The following PCCA variants were observed in gnomAD, a reference collection of about 807,000 sequenced individuals.
PCCA encodes propionyl-CoA carboxylase subunit alpha.
A neutral mutation model predicts 101.3 loss-of-function variants in PCCA; 74 were observed. The observed-to-expected ratio is 0.73, with a 90% CI of 0.61 to 0.89. The LOEUF (loss-of-function observed/expected upper bound fraction) is 0.89. Ranked by LOEUF, PCCA falls within the 40% of genes least tolerant of loss-of-function variation. The pLI is 0.00. For missense variants in PCCA, 891 were observed against 907.0 expected (o/e 0.98, Z 0.23); for synonymous variants, 294 against 313.6 (o/e 0.94, Z 0.66).
In PCCA at chr13:100,102,947, A is replaced by G; in HGVS notation, c.170A>G (p.Asp57Gly). Reference sequence around the variant, plus strand: ...CGTAATCTTGGTTCAGTGGGATATGATCCTAATGAAAAAGTAAGTATTTAA... The same window carrying G: ...CGTAATCTTGGTTCAGTGGGATATGGTCCTAATGAAAAAGTAAGTATTTAA... ...VSRNLGSVGY[D>G]PNEKTFDKIL... Residue 57 changes from aspartate to glycine, a missense_variant, in exon 2 of 24, where the codon GAT (aspartate) becomes GGT (glycine). Asp to Gly is a moderately conservative substitution (Grantham distance 94). Transcript: ENST00000376285. The G allele has an allele frequency of 6.3e-7, 1 of 1,595,842 alleles. No homozygotes were observed. The highest frequency in any genetic ancestry group is 8.6e-7 in the Non-Finnish European group (1 of 1,163,414).
At chr13:100,205,561 A>G (rs2058801499) in intron 6 of PCCA, among the ~76,000 whole-genome samples, 3 of 103,532 alleles carry the variant, frequency 2.9e-5, no homozygotes. Context: ...TTTTTTGACA[A>G]TTTTACATTT....
chr13:100,374,895 T>C (rs1216700743), intron 19 of PCCA, among the ~76,000 whole-genome samples: 2 of 152,218 alleles, frequency 1.3e-5, no homozygotes, highest in African/African-American at 4.8e-5. Context: ...TAGTTATTTC[T>C]TGTCTTCTGC....
intron 7 of PCCA, among the ~76,000 whole-genome samples, chr13:100,221,059 T>G (rs546008908): frequency 6.6e-6 from 1 of 152,330 alleles, no homozygotes; most frequent in East Asian, 1.9e-4. Flanking sequence ...GATGAAACCT[T>G]CTGAACTCAC....
chr13:100,193,989 C>G (rs1049665390), intron 6 of PCCA, among the ~76,000 whole-genome samples: 3 of 151,586 alleles, frequency 2.0e-5, no homozygotes, highest in Admixed American at 2.0e-4. Context: ...GAAAACGGCA[C>G]AAACCTGGGA....
At chr13:100,105,657 CAAA>C (rs34277733) in intron 2 of PCCA, among the ~76,000 whole-genome samples, 939 of 75,888 alleles carry the variant, frequency 0.012, 15 homozygotes, top group African/African-American at 0.032. Context: ...CTGTCTCTAC[CAAA>C]AAAAAAAAAA....
At chr13:100,264,812 C>T (rs2062824498) in intron 10 of PCCA, among the ~76,000 whole-genome samples, 1 of 152,144 alleles carries the variant, frequency 6.6e-6, no homozygotes, top group African/African-American at 2.4e-5. Context: ...ACCAGAAATA[C>T]ATGAGAGTTT....
At chr13:100,263,669 T>C (rs1176408896) in intron 10 of PCCA, among the ~76,000 whole-genome samples, 2 of 152,166 alleles carry the variant, frequency 1.3e-5, no homozygotes, top group Non-Finnish European at 2.9e-5. Context: ...ATCAGTTGGA[T>C]GTTTTACAAC....
chr13:100,093,743 C>G (rs1187571972), intron 1 of PCCA, among the ~76,000 whole-genome samples: 1 of 151,694 alleles, frequency 6.6e-6, no homozygotes, highest in African/African-American at 2.4e-5. Context: ...ATGATACCAC[C>G]CCCACCCCCG....
chr13:100,305,835 G>GT (rs1391795992), intron 14 of PCCA: 2 of 448,174 alleles, frequency 4.5e-6, no homozygotes, highest in Non-Finnish European at 9.2e-6. Flanking sequence ...AGTATATTTC[G>GT]TAAGTGTGCT....
intron 7 of PCCA, among the ~76,000 whole-genome samples, chr13:100,227,219 C>T (rs888197774): frequency 2.0e-5 from 3 of 152,070 alleles, no homozygotes; most frequent in South Asian, 2.1e-4. Context: ...TCAGGTGATC[C>T]GCCTGCCTCT....
intron 22 of PCCA, among the ~76,000 whole-genome samples, chr13:100,517,353 A>G (rs1478700598): frequency 6.6e-6 from 1 of 152,160 alleles, no homozygotes; most frequent in Admixed American, 6.5e-5. Flanking sequence ...ACATACCGAA[A>G]GGGTTTGGCC....
At chr13:100,497,965 G>C (rs553702785) in intron 21 of PCCA, among the ~76,000 whole-genome samples, 1 of 151,940 alleles carries the variant, frequency 6.6e-6, no homozygotes, top group South Asian at 2.1e-4. Context: ...GAACTACCGG[G>C]CTCAGTTGAT....
rs1025240724 is a variant in PCCA at position 100,261,549 on chromosome 13, A to T, written c.717-1180A>T. 2.6e-5 allele frequency among the ~76,000 whole-genome samples: 4 copies of T among 152,018 alleles called. No individual in the cohort carries two copies. In the South Asian group the frequency reaches 6.2e-4, roughly 24 times the overall value. On this transcript the variant is annotated intron_variant, in intron 9 of 23. Transcript: ENST00000376285. ...ACCAGCTAATTTTTGTATTTTTAGTACTGATGGGATTTCATCATGTTGGCC... is the reference window on the plus strand; with the variant it reads ...ACCAGCTAATTTTTGTATTTTTAGTTCTGATGGGATTTCATCATGTTGGCC...
chr13:100,183,231 CA>C (rs1251689676), intron 6 of PCCA, among the ~76,000 whole-genome samples: 2 of 152,244 alleles, frequency 1.3e-5, no homozygotes, highest in African/African-American at 4.8e-5. Flanking sequence ...TTATTCCTAT[CA>C]TAAATACTCT....
rs146806678 is a variant in PCCA at position 100,337,628 on chromosome 13, G to A, written c.1541-2529G>A. Among the ~76,000 whole-genome samples the A allele has an allele frequency of 2.3e-3, 348 of 152,346 alleles. 1 individual carries two copies. The highest frequency in any genetic ancestry group is 8.1e-3 in the African/African-American group (335 of 41,584). ...CTTGAAGTTGATGTGCATCATATCA[G>A]TTTGCCTGGGAGATGTGATGAATGA... is the stretch of plus-strand genomic sequence containing the variant. On this transcript the variant is annotated intron_variant, in intron 17 of 23. Coordinates refer to ENST00000376285, the MANE Select transcript of PCCA (RefSeq NM_000282.4).
At chr13:100,503,076 G>C (rs1231433909) in intron 21 of PCCA, among the ~76,000 whole-genome samples, 1 of 152,188 alleles carries the variant, frequency 6.6e-6, no homozygotes, top group Non-Finnish European at 1.5e-5. Flanking sequence ...TCTCCCACTG[G>C]AGTTGTCCAG....
intron 7 of PCCA, among the ~76,000 whole-genome samples, chr13:100,210,781 G>T (rs2059163910): frequency 6.6e-6 from 1 of 152,110 alleles, no homozygotes; most frequent in South Asian, 2.1e-4. Context: ...TCTGTGTTGG[G>T]TTGTTCTTCA....
At chr13:100,123,829 G>A (rs1157104221) in intron 4 of PCCA, among the ~76,000 whole-genome samples, 1 of 152,162 alleles carries the variant, frequency 6.6e-6, no homozygotes, top group Non-Finnish European at 1.5e-5. Flanking sequence ...GTTAAAGAGG[G>A]TCTCATGAAT....
At chr13:100,201,320 C>T (rs2058474610) in intron 6 of PCCA, among the ~76,000 whole-genome samples, 1 of 152,006 alleles carries the variant, frequency 6.6e-6, no homozygotes, top group African/African-American at 2.4e-5. Flanking sequence ...AGTGGGCAAA[C>T]CTTTTCTGTA....
Sources: allele counts gnomAD v4.1 joint callset (sites outside exome capture counted in the v4.1 genomes callset), GRCh38; gene constraint gnomAD v4.1.1; transcripts MANE v1.5; gene names NCBI Gene and HGNC (gene_info 2026-07-23, HGNC 2026-07-21).